Variants in AATK observed in about 807,000 individuals in gnomAD.
AATK encodes lemur tail kinase 1, also known as serine/threonine-protein kinase LMTK1.
In AATK, 91 loss-of-function variants were observed where a neutral mutation model predicts 114.3. The ratio of observed to expected loss-of-function variants is 0.80; its 90% CI spans 0.67 to 0.95. AATK has a LOEUF of 0.95. Ranked by LOEUF, AATK falls within the 40% of genes least tolerant of loss-of-function variation. The pLI is 0.00. For missense variants in AATK, 2,176 were observed against 1,965.2 expected (o/e 1.11, Z -2.03); for synonymous variants, 1,075 against 916.5 (o/e 1.17, Z -3.12).
At chr17:81,134,318 G>A (rs1451905887) in intron 2 of AATK, 50 bp downstream of exon 2, 2 of 1,607,694 alleles carry the variant, frequency 1.2e-6, no homozygotes, top group Admixed American at 1.7e-5. Context: ...GGACGCTACA[G>A]GCCTTGCCTG....
chr17:81,130,520 C>T (rs1451822010), intron 3 of AATK, among the ~76,000 whole-genome samples: 1 of 152,156 alleles, frequency 6.6e-6, no homozygotes, highest in Non-Finnish European at 1.5e-5. Flanking sequence ...CTCCTCGCAG[C>T]CTGAGTGAAA....
intron 1 of AATK, 198 bp downstream of exon 1, chr17:81,165,740 G>A: frequency 2.0e-6 from 3 of 1,524,858 alleles, no homozygotes; most frequent in South Asian, 1.2e-5. Flanking sequence ...GCCCACAGGC[G>A]GAGGCCGGTT....
At chr17:81,140,728 A>G (rs2061114292) in intron 1 of AATK, among the ~76,000 whole-genome samples, 1 of 60,774 alleles carries the variant, frequency 1.6e-5, no homozygotes, top group Non-Finnish European at 3.3e-5. Context: ...TGGGGCTGTG[A>G]GCCGTGGGGC....
intron 1 of AATK, chr17:81,165,673 C>A (rs2659034): frequency 2.0e-6 from 3 of 1,508,230 alleles, no homozygotes; most frequent in Non-Finnish European, 2.7e-6. Flanking sequence ...CCCTCCGTGC[C>A]CCAGTTACCT....
chr17:81,128,726 G>C (rs1047094996), intron 3 of AATK, 177 bp from the exon 4 acceptor site: 9 of 1,418,748 alleles, frequency 6.3e-6, no homozygotes, highest in African/African-American at 1.4e-5. Flanking sequence ...GAGAGCAGGG[G>C]CCGCTGCTTC....
intron 1 of AATK, among the ~76,000 whole-genome samples, chr17:81,143,739 G>A (rs900236153): frequency 5.9e-5 from 9 of 152,186 alleles, no homozygotes; most frequent in African/African-American, 2.2e-4. Context: ...CATGGGGTGT[G>A]ATCCCCACGG....
intron 1 of AATK, among the ~76,000 whole-genome samples, chr17:81,138,294 TGTGCACACATATCCACACAC>T (rs1408782092): frequency 2.8e-4 from 26 of 92,632 alleles, no homozygotes; most frequent in Non-Finnish European, 5.4e-4. Context: ...CACCCACACA[TGTGCACACATATCCACACAC>T]GTGCACACAT....
intron 3 of AATK, 140 bp from the exon 4 acceptor site, chr17:81,128,689 G>T: frequency 6.8e-7 from 1 of 1,470,898 alleles, no homozygotes. Flanking sequence ...GCAACCTTGG[G>T]GCCACCATCA....
In AATK at chr17:81,119,342, C is replaced by CTGCGTGCCCTACCTCT. The variant is rs1555689588; in HGVS notation, c.4084+37_4084+38insAGAGGTAGGGCACGCA. ...CCCTCGGAGCTCCGTGCCCTGCCTC[C>CTGCGTGCCCTACCTCT]CGCGTGCCCTTCTGCCACAGCCCCG... is the stretch of plus-strand genomic sequence containing the variant. On this transcript the variant is annotated intron_variant, in intron 13 of 13. Transcript: ENST00000326724. 7 of 1,481,006 alleles carry CTGCGTGCCCTACCTCT rather than the reference C, an allele frequency of 4.7e-6. No individual in the cohort carries two copies. The African/African-American group carries it at 7.4e-5, about 16-fold the overall frequency. 91.7% of individuals were successfully genotyped at this position (1,481,006 alleles called of 1,614,324 possible).
rs919510126 is a variant in AATK at position 81,124,220 on chromosome 17, G to A, written c.962+507C>T. Reference sequence around the variant, plus strand: ...TGAGGCAGGGAGGGGCGCCCACCCCGGGGCGGACCACTCCCCTGGCGGCTC... The same window carrying A: ...TGAGGCAGGGAGGGGCGCCCACCCCAGGGCGGACCACTCCCCTGGCGGCTC... On this transcript the variant is annotated intron_variant, in intron 9 of 13. Coordinates refer to ENST00000326724, the MANE Select transcript of AATK (RefSeq NM_001080395.3). Among the ~76,000 whole-genome samples, 10 of 152,100 alleles carry A rather than the reference G, an allele frequency of 6.6e-5. No homozygotes were observed. The East Asian group carries it at 1.2e-3, about 18-fold the overall frequency.
At chr17:81,165,168 G>A (rs2061471212) in intron 1 of AATK, among the ~76,000 whole-genome samples, 1 of 152,232 alleles carries the variant, frequency 6.6e-6, no homozygotes, top group African/African-American at 2.4e-5. Context: ...TGGAGAAGCA[G>A]AGGTTTTAGA....
At chr17:81,123,048 G>A (rs557900122) in intron 10 of AATK, 146 bp downstream of exon 10, 14 of 993,006 alleles carry the variant, frequency 1.4e-5, no homozygotes, top group African/African-American at 1.2e-4. Context: ...CAGGGGTGCA[G>A]AGGTGGCGGG....
intron 1 of AATK, among the ~76,000 whole-genome samples, chr17:81,143,158 G>A (rs2061162864): frequency 6.6e-6 from 1 of 152,168 alleles, no homozygotes; most frequent in African/African-American, 2.4e-5. Context: ...GCCTGAGAGT[G>A]GCCCCACAGC....
chr17:81,133,234 G>A, intron 2 of AATK: 1 of 492,932 alleles, frequency 2.0e-6, no homozygotes, highest in South Asian at 1.5e-5. Flanking sequence ...AGGTTGAATG[G>A]GCTGGAAAAT....
At chr17:81,134,059 C>G (rs568159438) in intron 2 of AATK, among the ~76,000 whole-genome samples, 19 of 152,292 alleles carry the variant, frequency 1.2e-4, no homozygotes, top group Admixed American at 2.6e-4. Flanking sequence ...CCAGAGCCCC[C>G]GACGCCCCCT....
At chr17:81,145,793 C>T (rs1254225479) in intron 1 of AATK, among the ~76,000 whole-genome samples, 3 of 149,010 alleles carry the variant, frequency 2.0e-5, no homozygotes, top group Non-Finnish European at 4.4e-5. Flanking sequence ...AGGCACACAG[C>T]GAACCGAAAA....
intron 1 of AATK, among the ~76,000 whole-genome samples, chr17:81,143,877 G>A (rs955307978): frequency 3.3e-5 from 5 of 152,240 alleles, no homozygotes; most frequent in Admixed American, 3.3e-4. Flanking sequence ...GTGGGTGCGG[G>A]CGTGACCCCC....
At position 81,118,900 on chromosome 17, in the gene AATK, G is replaced by A. The variant is rs578029087; in HGVS notation, c.4085-458C>T. On this transcript the variant is annotated intron_variant, in intron 13 of 13. Transcript: ENST00000326724. Reference sequence around the variant, plus strand: ...CAGGCACGTGGGCAGAGGCTGTAGGGGTAGGGACACCTGGCAGAGATGAGC... The same window carrying A: ...CAGGCACGTGGGCAGAGGCTGTAGGAGTAGGGACACCTGGCAGAGATGAGC... 5.8e-4 allele frequency among the ~76,000 whole-genome samples: 88 copies of A among 152,346 alleles called. 1 individual carries two copies. The highest frequency in any genetic ancestry group is 1.4e-3 in the Admixed American group (22 of 15,310).
intron 1 of AATK, 73 bp from the exon 2 acceptor site, chr17:81,134,574 C>T: frequency 6.5e-7 from 1 of 1,540,502 alleles, no homozygotes; most frequent in Non-Finnish European, 8.8e-7. Context: ...CTCTGGGCTC[C>T]ACAGCCCCAC....
Sources: gnomAD v4.1 joint callset for allele counts (sites outside exome capture counted in the v4.1 genomes callset) on GRCh38, gnomAD v4.1.1 for gene constraint, MANE v1.5 for transcripts, NCBI Gene and HGNC (gene_info 2026-07-23, HGNC 2026-07-21) for gene names.